AFF3: variants seen among roughly 807,000 people sequenced by gnomAD.
AFF3 encodes ALF transcription elongation factor 3.
AFF3 carries 32 observed loss-of-function variants against 129.7 expected under a neutral mutation model. The ratio of observed to expected loss-of-function variants is 0.25; its 90% CI spans 0.19 to 0.33. The LOEUF (loss-of-function observed/expected upper bound fraction) is 0.33. Ranked by LOEUF, AFF3 falls within the 10% of genes least tolerant of loss-of-function variation. The pLI is 1.00. For synonymous variants in AFF3, 644 were observed against 635.4 expected, an observed-to-expected ratio of 1.01 and a Z score of -0.20; for missense variants, 1,373 against 1,592.0, an observed-to-expected ratio of 0.86 and a Z score of 2.34.
chr2:99,638,169 G>C (rs1683842576), intron 13 of AFF3, among the ~76,000 whole-genome samples: 1 of 151,892 alleles, frequency 6.6e-6, no homozygotes, highest in African/African-American at 2.4e-5. Flanking sequence ...CGTCTTCCAG[G>C]TTCAAGTAAT....
chr2:99,655,251 C>T (rs895384410), intron 12 of AFF3, among the ~76,000 whole-genome samples: 2 of 151,060 alleles, frequency 1.3e-5, no homozygotes, highest in Non-Finnish European at 3.0e-5. Flanking sequence ...CACACACACA[C>T]ACACACACAC....
At chr2:100,088,847 AG>A (rs1689649292) in intron 4 of AFF3, among the ~76,000 whole-genome samples, 1 of 152,264 alleles carries the variant, frequency 6.6e-6, no homozygotes, top group African/African-American at 2.4e-5. Context: ...AGTCTCGTAA[AG>A]ATTTTAAAAA....
rs1381265076 is a variant in AFF3, at chr2:99,582,834, G to C, written c.2757C>G (p.Ala919=). 6.2e-7 allele frequency: 1 copy of C among 1,614,214 alleles called. No individual in the cohort carries two copies. The change falls in exon 17 of 25, where the codon GCC becomes GCG. Residue 919 remains alanine (A), a synonymous_variant. Coordinates refer to ENST00000672756, the MANE Select transcript of AFF3 (RefSeq NM_001386135.1). The stretch of plus-strand genomic sequence containing the variant: ...CGCCGTGAGGCTGCAGCTGGCTGTC[G>C]GCCTTAGGCTTTTTGCTGGAAGAGG... ...TSASSSKKPK[A]DSQLQPHGGD...
intron 13 of AFF3, among the ~76,000 whole-genome samples, chr2:99,615,139 T>C (rs1205251207): frequency 6.6e-6 from 1 of 152,178 alleles, no homozygotes; most frequent in African/African-American, 2.4e-5. Flanking sequence ...ATGGAAGTGT[T>C]CTTGGAGATC....
At chr2:99,864,317 A>T (rs1274061761) in intron 7 of AFF3, among the ~76,000 whole-genome samples, 1 of 152,200 alleles carries the variant, frequency 6.6e-6, no homozygotes, top group Non-Finnish European at 1.5e-5. Context: ...CTGCTGATAA[A>T]AGTCCCTACA....
intron 8 of AFF3, among the ~76,000 whole-genome samples, chr2:99,781,833 G>A (rs577629565): frequency 6.6e-6 from 1 of 152,110 alleles, no homozygotes; most frequent in African/African-American, 2.4e-5. Flanking sequence ...TTTGTTACCA[G>A]ATTAACCAAG....
At chr2:99,726,965 C>T (rs1039027893) in intron 11 of AFF3, 112 bp downstream of exon 11, 2 of 970,232 alleles carry the variant, frequency 2.1e-6, no homozygotes, top group African/African-American at 1.7e-5. Context: ...GAAAAGAGAA[C>T]CATGGGCTTC....
intron 7 of AFF3, among the ~76,000 whole-genome samples, chr2:99,924,987 C>T (rs1437616892): frequency 6.6e-6 from 1 of 151,826 alleles, no homozygotes; most frequent in Non-Finnish European, 1.5e-5. Flanking sequence ...GCAGTCCTTC[C>T]ACCTCAGCCA....
Position 99,551,610 on chromosome 2 carries a change from A to G in AFF3, c.3560-15T>C. On this transcript the variant is annotated splice_polypyrimidine_tract_variant and intron_variant, in intron 24 of 24. Transcript: ENST00000672756. ...GTTGAAGAATTCTAGGGGGACAGAA[A>G]GAGTTGTTAAGAATGCCACACATGC... The G allele has an allele frequency of 6.2e-7, 1 of 1,613,938 alleles. No homozygotes were observed. The highest frequency in any genetic ancestry group is 1.7e-5 in the Admixed American group (1 of 60,004).
chr2:99,781,242 C>T (rs940005458), intron 8 of AFF3, among the ~76,000 whole-genome samples: 3 of 152,222 alleles, frequency 2.0e-5, no homozygotes, highest in African/African-American at 4.8e-5. Flanking sequence ...TGCTCAACCA[C>T]GACTTCAGCA....
At chr2:100,139,760 C>CA (rs373368758) in intron 1 of AFF3, among the ~76,000 whole-genome samples, 3,360 of 151,022 alleles carry the variant, frequency 0.022, 135 homozygotes, top group African/African-American at 0.078. Flanking sequence ...CACTAATAAC[C>CA]AAAAAAAAGG....
At chr2:99,577,026 A>T (rs955823417) in intron 18 of AFF3, among the ~76,000 whole-genome samples, 1 of 152,020 alleles carries the variant, frequency 6.6e-6, no homozygotes, top group African/African-American at 2.4e-5. Context: ...CGCAGCTGCC[A>T]CCACAGGAAG....
At chr2:99,941,742 G>A (rs768158796) in intron 7 of AFF3, among the ~76,000 whole-genome samples, 2 of 152,120 alleles carry the variant, frequency 1.3e-5, no homozygotes, top group African/African-American at 4.8e-5. Context: ...ATAGAGACAC[G>A]ATGGCTGGAG....
intron 13 of AFF3, among the ~76,000 whole-genome samples, chr2:99,616,390 C>T (rs1681433935): frequency 2.0e-5 from 3 of 151,962 alleles, no homozygotes; most frequent in Admixed American, 2.0e-4. Context: ...ACATACCACC[C>T]CTTTAAAGTA....
At chr2:99,694,419 C>T (rs17022903) in intron 11 of AFF3, among the ~76,000 whole-genome samples, 4,393 of 152,066 alleles carry the variant, frequency 0.029, 196 homozygotes, top group African/African-American at 0.098. Context: ...AAGCTGGGTG[C>T]CCTAGACATG....
At chr2:100,048,777 T>C (rs887453986) in intron 4 of AFF3, among the ~76,000 whole-genome samples, 76 of 152,204 alleles carry the variant, frequency 5.0e-4, no homozygotes, top group African/African-American at 1.8e-3. Flanking sequence ...TGTAGAAATG[T>C]ATGAGTATAA....
At chr2:99,818,436 T>C (rs1044620477) in intron 8 of AFF3, among the ~76,000 whole-genome samples, 9 of 152,226 alleles carry the variant, frequency 5.9e-5, no homozygotes, top group East Asian at 1.9e-4. Context: ...CCTTCATCCA[T>C]GGTAAATGAA....
chr2:99,990,199 T>A (rs554389830), intron 7 of AFF3, among the ~76,000 whole-genome samples: 1 of 152,016 alleles, frequency 6.6e-6, no homozygotes, highest in African/African-American at 2.4e-5. Context: ...GAGGTTTCCG[T>A]TGGCCACTAC....
intron 10 of AFF3, among the ~76,000 whole-genome samples, chr2:99,731,112 A>C (rs4241201): frequency 0.87 from 131,308 of 151,718 alleles, 57,130 homozygotes; most frequent in African/African-American, 0.96. Context: ...TGCATGCCAA[A>C]ACACCTGGCT....
Sources: allele counts gnomAD v4.1 joint callset (sites outside exome capture counted in the v4.1 genomes callset), GRCh38; gene constraint gnomAD v4.1.1; transcripts MANE v1.5; gene names NCBI Gene and HGNC (gene_info 2026-07-23, HGNC 2026-07-21).